PRDM5: variants seen among roughly 807,000 people sequenced by gnomAD.
PRDM5 encodes the protein PR/SET domain 5.
Under a neutral mutation model 81.2 loss-of-function variants are expected in PRDM5, and 56 were observed. The ratio of observed to expected loss-of-function variants is 0.69; its 90% confidence interval spans 0.56 to 0.86. The LOEUF (loss-of-function observed/expected upper bound fraction) is 0.86. PRDM5 is among the 40% of genes least tolerant of loss of function. The pLI, the probability that PRDM5 is intolerant of heterozygous loss-of-function variation, is 0.00. For missense variants in PRDM5, 697 were observed against 770.1 expected, an observed-to-expected ratio of 0.91 and a Z score of 1.12; for synonymous variants, 267 against 256.4, an observed-to-expected ratio of 1.04 and a Z score of -0.39.
At chr4:120,783,176 CA>C (rs1749285563) in intron 11 of PRDM5, among the ~76,000 whole-genome samples, 1 of 152,044 alleles carries the variant, frequency 6.6e-6, no homozygotes, top group South Asian at 2.1e-4. Context: ...TTTCATATTG[CA>C]TAAGACGTAG....
At chr4:120,876,922 G>A (rs537109566) in intron 2 of PRDM5, among the ~76,000 whole-genome samples, 7 of 152,268 alleles carry the variant, frequency 4.6e-5, no homozygotes, top group African/African-American at 1.7e-4. Context: ...GTCAAATCCA[G>A]AGGAATCCTT....
At chr4:120,721,421 A>G (rs1178398623) in intron 14 of PRDM5, among the ~76,000 whole-genome samples, 1 of 152,174 alleles carries the variant, frequency 6.6e-6, no homozygotes, top group Non-Finnish European at 1.5e-5. Context: ...ATGCGCAACC[A>G]GAAGTGAGAA....
chr4:120,689,874 C>G (rs764614900), downstream of PRDM5, among the ~76,000 whole-genome samples: 4 of 152,100 alleles, frequency 2.6e-5, no homozygotes, highest in Non-Finnish European at 4.4e-5. Flanking sequence ...CTTGGCCTCC[C>G]AAAGTGCTGG....
intron 3 of PRDM5, among the ~76,000 whole-genome samples, chr4:120,850,937 T>C (rs1432723219): frequency 2.6e-5 from 4 of 152,110 alleles, no homozygotes; most frequent in African/African-American, 9.7e-5. Context: ...CAGGGCATAG[T>C]AGAGTAGCAG....
At chr4:120,822,746 G>C (rs1755449505) in intron 3 of PRDM5, among the ~76,000 whole-genome samples, 1 of 152,104 alleles carries the variant, frequency 6.6e-6, no homozygotes, top group African/African-American at 2.4e-5. Context: ...TTTCATGGAA[G>C]AGACAGAAAT....
chr4:120,875,465 A>G (rs1762250657), intron 2 of PRDM5, among the ~76,000 whole-genome samples: 1 of 152,204 alleles, frequency 6.6e-6, no homozygotes, highest in African/African-American at 2.4e-5. Flanking sequence ...AATACCTCAC[A>G]GGGGCAACCC....
At chr4:120,833,797 G>A (rs1757011428) in intron 3 of PRDM5, among the ~76,000 whole-genome samples, 1 of 152,168 alleles carries the variant, frequency 6.6e-6, no homozygotes, top group Non-Finnish European at 1.5e-5. Flanking sequence ...TATCCCCGAA[G>A]AGGGGACTAT....
intron 3 of PRDM5, 87 bp from the exon 4 acceptor site, chr4:120,821,432 T>C: frequency 8.0e-7 from 1 of 1,253,978 alleles, no homozygotes; most frequent in Non-Finnish European, 1.1e-6. Flanking sequence ...AATGGAGTAC[T>C]ATGTGTGCAT....
intron 13 of PRDM5, among the ~76,000 whole-genome samples, chr4:120,760,727 T>C (rs895698460): frequency 1.6e-4 from 25 of 152,100 alleles, no homozygotes; most frequent in African/African-American, 6.0e-4. Flanking sequence ...ATGAAGCTAA[T>C]GTATTCATTC....
intron 2 of PRDM5, among the ~76,000 whole-genome samples, chr4:120,906,571 C>T (rs1282794740): frequency 6.6e-6 from 1 of 152,058 alleles, no homozygotes; most frequent in Non-Finnish European, 1.5e-5. Flanking sequence ...ATTTTGATAC[C>T]TTAGGTCCTT....
intron 1 of PRDM5, among the ~76,000 whole-genome samples, chr4:120,910,260 T>C (rs910650539): frequency 2.6e-5 from 4 of 152,210 alleles, no homozygotes; most frequent in African/African-American, 7.2e-5. Context: ...TAAACTTGAA[T>C]TTTCATGGCT....
In PRDM5 at chr4:120,807,423, G is replaced by A. The variant is rs567694610; in HGVS notation, c.945+3947C>T. ...AGACACATGCACACGTATGTTTATT[G>A]CAACACTATTCACAATAGCAAAGAC... is the stretch of plus-strand genomic sequence containing the variant. On this transcript the variant is annotated intron_variant, in intron 8 of 15. Coordinates refer to ENST00000264808, the MANE Select transcript of PRDM5 (RefSeq NM_018699.4). 1.2e-3 allele frequency among the ~76,000 whole-genome samples: 189 copies of A among 152,312 alleles called. 1 individual carries two copies. The highest frequency in any genetic ancestry group is 4.3e-3 in the African/African-American group (179 of 41,562).
At chr4:120,805,178 A>G (rs1003712268) in intron 8 of PRDM5, among the ~76,000 whole-genome samples, 4 of 152,220 alleles carry the variant, frequency 2.6e-5, no homozygotes, top group Admixed American at 1.3e-4. Flanking sequence ...GAATAGACCA[A>G]TAACAGGCTC....
At chr4:120,890,249 A>G (rs1384149370) in intron 2 of PRDM5, among the ~76,000 whole-genome samples, 2 of 152,186 alleles carry the variant, frequency 1.3e-5, no homozygotes, top group Admixed American at 6.5e-5. Flanking sequence ...TGGCCACAGC[A>G]GGAGCAAGAG....
intron 13 of PRDM5, among the ~76,000 whole-genome samples, chr4:120,770,020 A>ATTTG (rs66903785): frequency 4.0e-5 from 6 of 151,040 alleles, no homozygotes; most frequent in Non-Finnish European, 5.9e-5. Context: ...TTATTTATTT[A>ATTTG]TTTGTTTGTT....
downstream of PRDM5, among the ~76,000 whole-genome samples, chr4:120,687,417 CATA>C (rs1733878966): frequency 6.6e-6 from 1 of 152,098 alleles, no homozygotes; most frequent in Non-Finnish European, 1.5e-5. Flanking sequence ...TTTCATTTAG[CATA>C]ATGTCCTCAA....
chr4:120,710,257 C>A (rs1169264145), intron 15 of PRDM5, 52 bp downstream of exon 15: 3 of 1,431,888 alleles, frequency 2.1e-6, no homozygotes, highest in East Asian at 2.3e-5. Context: ...ACACACACAC[C>A]CCTACTTTCT....
intron 14 of PRDM5, among the ~76,000 whole-genome samples, chr4:120,747,331 G>T (rs1743268122): frequency 1.3e-5 from 2 of 150,206 alleles, no homozygotes; most frequent in African/African-American, 4.9e-5. Flanking sequence ...TATACCTAAT[G>T]CTAGATGACG....
At chr4:120,863,175 A>AAAAAT (rs1553997140) in intron 2 of PRDM5, among the ~76,000 whole-genome samples, 18 of 60,660 alleles carry the variant, frequency 3.0e-4, no homozygotes, top group South Asian at 7.3e-4. Context: ...AAAAAAAAAA[A>AAAAAT]ATATATATAT....
Sources: gnomAD v4.1 joint callset for allele counts (sites outside exome capture counted in the v4.1 genomes callset) on GRCh38, gnomAD v4.1.1 for gene constraint, MANE v1.5 for transcripts, NCBI Gene and HGNC (gene_info 2026-07-23, HGNC 2026-07-21) for gene names.